The following ARHGEF10L variants were observed in gnomAD, a reference collection of about 807,000 sequenced individuals.
ARHGEF10L encodes the protein Rho guanine nucleotide exchange factor 10 like, also known as rho guanine nucleotide exchange factor 10-like protein.
A neutral mutation model predicts 141.2 loss-of-function variants in ARHGEF10L; 69 were observed. The ratio of observed to expected loss-of-function variants is 0.49; its 90% CI spans 0.40 to 0.60. The LOEUF (loss-of-function observed/expected upper bound fraction) is 0.60. Among genes scored for constraint, ARHGEF10L ranks in the 20% least tolerant of loss-of-function variants. The pLI is 0.00. For synonymous variants in ARHGEF10L, 711 were observed against 718.5 expected, an observed-to-expected ratio of 0.99 and a Z score of 0.17; for missense variants, 1,482 against 1,734.3, an observed-to-expected ratio of 0.85 and a Z score of 2.58.
chr1:17,574,249 T>C (rs2078130267), intron 1 of ARHGEF10L, among the ~76,000 whole-genome samples: 1 of 152,172 alleles, frequency 6.6e-6, no homozygotes, highest in Non-Finnish European at 1.5e-5. Context: ...GTCAGCCTCA[T>C]TTTCCTCATC....
At chr1:17,694,039 C>A (rs2065303736) in intron 27 of ARHGEF10L, 1 of 152,364 alleles carries the variant, frequency 6.6e-6, no homozygotes, top group Non-Finnish European at 1.5e-5. Context: ...TCCCTTGTGC[C>A]CATTCCCATT....
At chr1:17,590,888 G>C (rs2079477482) in intron 4 of ARHGEF10L, among the ~76,000 whole-genome samples, 1 of 152,202 alleles carries the variant, frequency 6.6e-6, no homozygotes, top group Non-Finnish European at 1.5e-5. Context: ...TGGGGAGGCT[G>C]AGGCAGGAGA....
intron 7 of ARHGEF10L, 50 bp from the exon 8 acceptor site, chr1:17,613,008 G>A (rs746215399): frequency 2.4e-5 from 31 of 1,285,656 alleles, no homozygotes; most frequent in South Asian, 7.2e-5. Context: ...TTCCTGTCCC[G>A]CCTGCTCCTC....
At position 17,619,355 on chromosome 1, in the gene ARHGEF10L, G is replaced by C. The variant is rs757063935; in HGVS notation, c.852G>C (p.Glu284Asp). The C allele has an allele frequency of 5.6e-6, 9 of 1,613,294 alleles. No homozygotes were observed. The South Asian group carries it at 9.9e-5, about 18-fold the overall frequency. Residue 284 changes from glutamate to aspartate, a missense_variant, in exon 10 of 29, where the codon GAG becomes GAC. Glu to Asp is a conservative substitution (Grantham distance 45, BLOSUM62 2). Coordinates refer to ENST00000361221, the MANE Select transcript of ARHGEF10L (RefSeq NM_018125.4). This position sits in a 1 kb window ranked among gnomAD's most constrained non-coding sequence, Gnocchi z 5.0. ...ACTTTCCAGGTGACTCGGAGGAGGAGGACATGGGGCTCCTGGAGGTCAGCG... is the reference window on the plus strand; with the variant it reads ...ACTTTCCAGGTGACTCGGAGGAGGACGACATGGGGCTCCTGGAGGTCAGCG... ...RKDVLGDSEE[E>D]DMGLLEVSVS...
intron 18 of ARHGEF10L, among the ~76,000 whole-genome samples, chr1:17,636,090 C>T (rs1230415612): frequency 6.6e-6 from 1 of 152,158 alleles, no homozygotes; most frequent in East Asian, 1.9e-4. Flanking sequence ...CTCGGAGGCA[C>T]CTTCTGCCCT....
chr1:17,697,457 G>C lies in ARHGEF10L; in HGVS notation c.*77G>C. The stretch of plus-strand genomic sequence containing the variant: ...GCCCGGCTCTCGTGCTCTAGGACCT[G>C]CACGGGACTTGTGGATGGGCCTGGA... On this transcript the variant is annotated 3_prime_UTR_variant, in exon 29 of 29. Coordinates refer to ENST00000361221, the MANE Select transcript of ARHGEF10L (RefSeq NM_018125.4). This position sits in a 1 kb window ranked among gnomAD's most constrained non-coding sequence, Gnocchi z 4.8. The C allele has an allele frequency of 6.7e-7, 1 of 1,493,930 alleles. No individual in the cohort carries two copies. Among genetic ancestry groups the C allele is most frequent in the African/African-American group, 1.4e-5 (1 of 71,664 alleles). 92.5% of individuals were successfully genotyped at this position (1,493,930 alleles called of 1,614,324 possible).
chr1:17,671,764 T>G (rs1389635074), intron 26 of ARHGEF10L, among the ~76,000 whole-genome samples: 1 of 152,174 alleles, frequency 6.6e-6, no homozygotes, highest in African/African-American at 2.4e-5. Context: ...GCTGACATCC[T>G]GGGGCCGGTT....
At chr1:17,671,263 G>A (rs560248149) in intron 26 of ARHGEF10L, among the ~76,000 whole-genome samples, 2 of 151,942 alleles carry the variant, frequency 1.3e-5, no homozygotes, top group South Asian at 2.1e-4. Context: ...TTCTTTCTGC[G>A]CTGGGGCAGT....
intron 25 of ARHGEF10L, among the ~76,000 whole-genome samples, chr1:17,664,183 G>A (rs991564914): frequency 3.9e-5 from 6 of 152,138 alleles, no homozygotes; most frequent in Admixed American, 2.6e-4. Context: ...GAGAGAGAGA[G>A]GCAGGGAAGG....
Position 17,627,447 on chromosome 1 carries a change from G to C in ARHGEF10L, c.1528G>C (p.Val510Leu), listed in dbSNP as rs775661277. ...CGAGCAGAAGCGGCTGGCTGACCAG[G>C]TGGCTGAGATCCAGCAGCTGACCAA... The part of the protein sequence containing the change: ...LNEQKRLADQ[V>L]AEIQQLTKSV... Residue 510 changes from valine to leucine, a missense_variant, in exon 15 of 29, where the codon GTG becomes CTG. Transcript: ENST00000361221. This position sits in a 1 kb window ranked among gnomAD's most constrained non-coding sequence, Gnocchi z 4.0. 3 of 1,613,324 alleles carry C rather than the reference G, an allele frequency of 1.9e-6. No individual in the cohort carries two copies. Among genetic ancestry groups the C allele is most frequent in the Non-Finnish European group, 2.5e-6 (3 of 1,180,042 alleles).
At chr1:17,648,724 C>T in intron 22 of ARHGEF10L, 49 bp downstream of exon 22, 1 of 1,593,462 alleles carries the variant, frequency 6.3e-7, no homozygotes, top group Middle Eastern at 2.3e-4. Flanking sequence ...GGCTGCGGCT[C>T]CCCCTCGCCT....
Position 17,616,192 on chromosome 1 carries a change from G to A in ARHGEF10L, c.825G>A (p.Lys275=), listed in dbSNP as rs2059796967. The change falls in exon 9 of 29, where the codon AAG becomes AAA. Residue 275 remains lysine, a synonymous_variant. Coordinates refer to ENST00000361221, the MANE Select transcript of ARHGEF10L (RefSeq NM_018125.4). The stretch of plus-strand genomic sequence containing the variant: ...GCAAAGTCTCCTTCCTGCACAGGAA[G>A]GACGTCCTCGGTGAGGCGCTGCCCG... ...VMRKVSFLHR[K]DVLGDSEEED... 1 of 1,613,218 alleles carries A rather than the reference G, an allele frequency of 6.2e-7. No homozygotes were observed.
intron 28 of ARHGEF10L, among the ~76,000 whole-genome samples, chr1:17,695,790 T>TCTG (rs35583176): frequency 0.81 from 123,263 of 151,890 alleles, 50,250 homozygotes; most frequent in East Asian, 0.91. Context: ...CGGGTCCCCC[T>TCTG]CCACCACCCT....
intron 8 of ARHGEF10L, 30 bp downstream of exon 8, chr1:17,613,204 G>A (rs1459654573): frequency 1.3e-6 from 2 of 1,560,230 alleles, no homozygotes; most frequent in Admixed American, 1.7e-5. Flanking sequence ...TCAAGCCCTG[G>A]ATGGGGGCTG....
Position 17,638,428 on chromosome 1 carries a change from G to C in ARHGEF10L, c.2044-134G>C. On this transcript the variant is annotated intron_variant, in intron 19 of 28. Coordinates refer to ENST00000361221, the MANE Select transcript of ARHGEF10L (RefSeq NM_018125.4). Reference sequence around the variant, plus strand: ...GTTGGCCTCCTGCGTGGGGCTAAATGTGCAGCCTCAGTGAGGCTCCAGGAC... The same window carrying C: ...GTTGGCCTCCTGCGTGGGGCTAAATCTGCAGCCTCAGTGAGGCTCCAGGAC... 4.6e-6 allele frequency: 6 copies of C among 1,308,608 alleles called. No individual in the cohort carries two copies. In the South Asian group the frequency reaches 8.7e-5, roughly 19 times the overall value. 81.1% of individuals were successfully genotyped at this position (1,308,608 alleles called of 1,614,324 possible). A position where few individuals can be genotyped will look rare whatever the true frequency, so the allele number is the denominator to read the frequency against.
intron 27 of ARHGEF10L, chr1:17,690,972 A>G: frequency 6.6e-6 from 2 of 303,918 alleles, no homozygotes; most frequent in East Asian, 2.2e-4. Context: ...ATAATTAGTA[A>G]TAAATTTGTT....
chr1:17,683,287 G>C (rs2064281522), intron 26 of ARHGEF10L, among the ~76,000 whole-genome samples: 1 of 105,598 alleles, frequency 9.5e-6, no homozygotes, highest in South Asian at 3.4e-4. Flanking sequence ...TCTCACCGGG[G>C]TGCTCACTGC....
intron 26 of ARHGEF10L, among the ~76,000 whole-genome samples, chr1:17,675,183 C>T (rs1347330634): frequency 6.6e-6 from 1 of 152,174 alleles, no homozygotes; most frequent in African/African-American, 2.4e-5. Context: ...ACCTTTCTTG[C>T]CCAACACCGC....
intron 1 of ARHGEF10L, among the ~76,000 whole-genome samples, chr1:17,540,210 A>C (rs1474377710): frequency 3.3e-5 from 5 of 151,724 alleles, no homozygotes; most frequent in African/African-American, 1.2e-4. Context: ...TTTGTGCTTC[A>C]GCTTGTGTGT....
Sources: allele counts gnomAD v4.1 joint callset (sites outside exome capture counted in the v4.1 genomes callset), GRCh38; gene constraint gnomAD v4.1.1; non-coding constraint Gnocchi (gnomAD v3.1); transcripts MANE v1.5; gene names NCBI Gene and HGNC (gene_info 2026-07-23, HGNC 2026-07-21).